Variants in GPC5 observed in about 807,000 individuals in gnomAD.
GPC5 encodes glypican 5, also known as glypican-5.
GPC5 carries 47 observed loss-of-function variants against 53.9 expected under a neutral mutation model. That is an observed-to-expected ratio of 0.87 (90% CI 0.69 to 1.11). The LOEUF is 1.11. Among genes scored for constraint, GPC5 ranks in the 50% most tolerant of loss-of-function variants. GPC5 has a pLI of 0.00. For missense variants in GPC5, 748 were observed against 713.1 expected, an observed-to-expected ratio of 1.05 and a Z score of -0.56; for synonymous variants, 286 against 263.3, an observed-to-expected ratio of 1.09 and a Z score of -0.84.
chr13:92,310,664 A>AT (rs1212195928), intron 7 of GPC5, among the ~76,000 whole-genome samples: 1 of 152,174 alleles, frequency 6.6e-6, no homozygotes, highest in Non-Finnish European at 1.5e-5. Flanking sequence ...GGCCTTCCCA[A>AT]TTGTTTAATA....
intron 5 of GPC5, among the ~76,000 whole-genome samples, chr13:91,785,620 A>G (rs187497655): frequency 6.6e-6 from 1 of 152,350 alleles, no homozygotes; most frequent in Admixed American, 6.5e-5. Flanking sequence ...TCAGATGTTC[A>G]AAACGAAACT....
chr13:91,729,951 A>G (rs921128791), intron 4 of GPC5, among the ~76,000 whole-genome samples: 2 of 152,232 alleles, frequency 1.3e-5, no homozygotes, highest in African/African-American at 4.8e-5. Flanking sequence ...AGGGGCTCAT[A>G]CAAGTGAAAG....
At chr13:92,433,060 A>T (rs1477241468) in intron 7 of GPC5, among the ~76,000 whole-genome samples, 1 of 152,200 alleles carries the variant, frequency 6.6e-6, no homozygotes. Context: ...AAGGAGAATG[A>T]GTAGACAAAG....
At chr13:92,304,169 T>C (rs980998519) in intron 7 of GPC5, among the ~76,000 whole-genome samples, 1 of 151,994 alleles carries the variant, frequency 6.6e-6, no homozygotes, top group African/African-American at 2.4e-5. Flanking sequence ...TCTCAAAAAA[T>C]GTAATGCAAG....
intron 1 of GPC5, among the ~76,000 whole-genome samples, chr13:91,400,390 C>T (rs953624484): frequency 2.6e-5 from 4 of 152,120 alleles, no homozygotes; most frequent in Non-Finnish European, 5.9e-5. Flanking sequence ...AGTCTTAAAC[C>T]CAGCTATTTC....
intron 7 of GPC5, among the ~76,000 whole-genome samples, chr13:92,525,479 T>TGTGTGTGA (rs777799898): frequency 1.7e-4 from 24 of 144,748 alleles, no homozygotes; most frequent in African/African-American, 4.9e-4. Flanking sequence ...TGTGTGTGTG[T>TGTGTGTGA]GAAACAACCA....
intron 7 of GPC5, among the ~76,000 whole-genome samples, chr13:92,713,811 C>T (rs1436335159): frequency 6.6e-6 from 1 of 151,934 alleles, no homozygotes; most frequent in African/African-American, 2.4e-5. Flanking sequence ...AGTGACAACA[C>T]AAAATATTGA....
intron 7 of GPC5, among the ~76,000 whole-genome samples, chr13:92,643,175 G>T (rs1303768120): frequency 1.3e-5 from 2 of 152,104 alleles, no homozygotes; most frequent in Admixed American, 1.3e-4. Context: ...TTTGTAGGTT[G>T]CCTGTTCACT....
chr13:92,152,602 C>T (rs1033627131), intron 7 of GPC5, among the ~76,000 whole-genome samples: 5 of 151,914 alleles, frequency 3.3e-5, no homozygotes, highest in South Asian at 2.1e-4. Flanking sequence ...AGCCGGGTGT[C>T]GTGGCGGGCG....
intron 5 of GPC5, among the ~76,000 whole-genome samples, chr13:91,850,735 C>A (rs2038903423): frequency 6.6e-6 from 1 of 151,508 alleles, no homozygotes; most frequent in South Asian, 2.1e-4. Flanking sequence ...TTTCAAGCTT[C>A]ATTTGTTAGA....
At chr13:92,078,199 T>C in intron 6 of GPC5, among the ~76,000 whole-genome samples, 1 of 152,224 alleles carries the variant, frequency 6.6e-6, no homozygotes, top group East Asian at 1.9e-4. Context: ...TCCATATTCT[T>C]TAGCAATTCA....
At chr13:92,483,564 T>C (rs1879436359) in intron 7 of GPC5, among the ~76,000 whole-genome samples, 1 of 152,224 alleles carries the variant, frequency 6.6e-6, no homozygotes, top group African/African-American at 2.4e-5. Context: ...AAAATTACTG[T>C]AAACTAGTGT....
chr13:91,760,534 T>C (rs1266095226), intron 5 of GPC5, among the ~76,000 whole-genome samples: 1 of 152,154 alleles, frequency 6.6e-6, no homozygotes, highest in Non-Finnish European at 1.5e-5. Context: ...ATCAGCTTCA[T>C]TCTAGAGGAG....
At chr13:92,488,188 A>G (rs901979200) in intron 7 of GPC5, among the ~76,000 whole-genome samples, 7 of 152,138 alleles carry the variant, frequency 4.6e-5, no homozygotes, top group African/African-American at 9.7e-5. Flanking sequence ...TCAAAACTCA[A>G]TGAAAACCCA....
chr13:91,578,882 TAAAAACATAAA>T (rs2032240094), intron 2 of GPC5, among the ~76,000 whole-genome samples: 1 of 151,622 alleles, frequency 6.6e-6, no homozygotes, highest in Admixed American at 6.6e-5. Flanking sequence ...CCGGTCTCTA[TAAAAACATAAA>T]AAAATTAGCT....
chr13:91,610,822 G>A (rs376252921), intron 2 of GPC5, among the ~76,000 whole-genome samples: 1 of 152,162 alleles, frequency 6.6e-6, no homozygotes, highest in African/African-American at 2.4e-5. Flanking sequence ...GGCAAAGGTT[G>A]TTATGTTAGA....
rs1276959861 is a variant in GPC5, at chr13:92,658,932, T to G, written c.1562-207350T>G. On this transcript the variant is annotated intron_variant, in intron 7 of 7. Coordinates refer to ENST00000377067, the MANE Select transcript of GPC5 (RefSeq NM_004466.6). ...AAAGTTGTATATGTTTTGTTTTTTT[T>G]TTTTTTTTTTTTTTGAGACGGAGTC... is the stretch of plus-strand genomic sequence containing the variant. 2.3e-3 allele frequency: 312 copies of G among 134,044 alleles called. 3 individuals are homozygous for G. The highest frequency in any genetic ancestry group is 8.0e-3 in the African/African-American group (294 of 36,604). The allele number at this position is 134,044 out of a possible 1,614,324, so 8.3% of individuals were successfully genotyped here. A position where few individuals can be genotyped will look rare whatever the true frequency, so the allele number is the denominator to read the frequency against.
chr13:92,659,399 CTTTTTT>C (rs71123427), intron 7 of GPC5, among the ~76,000 whole-genome samples: 40 of 127,378 alleles, frequency 3.1e-4, no homozygotes, highest in Middle Eastern at 4.0e-3. Context: ...ATTTGGTTGA[CTTTTTT>C]TTTTTTTTTT....
chr13:91,876,506 A>G (rs1380190763), intron 5 of GPC5, among the ~76,000 whole-genome samples: 1 of 152,176 alleles, frequency 6.6e-6, no homozygotes, highest in African/African-American at 2.4e-5. Context: ...TAGTGAAGAA[A>G]CTGGCAGCAT....
Sources: gnomAD v4.1 joint callset for allele counts (sites outside exome capture counted in the v4.1 genomes callset) on GRCh38, gnomAD v4.1.1 for gene constraint, MANE v1.5 for transcripts, NCBI Gene and HGNC (gene_info 2026-07-23, HGNC 2026-07-21) for gene names.